Variants in CDH4 observed in about 807,000 individuals in gnomAD.
CDH4 encodes cadherin-4.
In CDH4, 33 loss-of-function variants were observed where a neutral mutation model predicts 86.0. The observed-to-expected ratio is 0.38, with a 90% CI of 0.29 to 0.51. CDH4 has a LOEUF of 0.51. Among genes scored for constraint, CDH4 ranks in the 20% least tolerant of loss-of-function variants. CDH4 has a pLI of 0.86. For synonymous variants in CDH4, 555 were observed against 549.4 expected (o/e 1.01, Z -0.14); for missense variants, 1,114 against 1,307.4 (o/e 0.85, Z 2.28).
intron 12 of CDH4, among the ~76,000 whole-genome samples, 192 bp downstream of exon 12, chr20:61,928,615 C>T (rs1484467138): frequency 1.3e-5 from 2 of 152,244 alleles, no homozygotes; most frequent in Admixed American, 6.5e-5. Flanking sequence ...GAGGAGGCCA[C>T]CAAGTCATTC....
chr20:61,645,222 A>G (rs1426811322), intron 2 of CDH4, among the ~76,000 whole-genome samples: 1 of 152,204 alleles, frequency 6.6e-6, no homozygotes, highest in African/African-American at 2.4e-5. Context: ...GCCTTTTGGA[A>G]CAGTGGATAA....
chr20:61,704,528 A>G (rs949855591), intron 2 of CDH4, among the ~76,000 whole-genome samples: 1 of 152,108 alleles, frequency 6.6e-6, no homozygotes, highest in Non-Finnish European at 1.5e-5. Flanking sequence ...TGAAGCCCCC[A>G]GAGCCAGGTT....
intron 2 of CDH4, among the ~76,000 whole-genome samples, chr20:61,646,499 G>A (rs1254855070): frequency 1.3e-5 from 2 of 152,214 alleles, no homozygotes; most frequent in Admixed American, 6.5e-5. Flanking sequence ...TCTTCTACCT[G>A]TGTGACCCTG....
intron 2 of CDH4, among the ~76,000 whole-genome samples, chr20:61,293,569 C>T (rs959794340): frequency 6.6e-6 from 1 of 152,194 alleles, no homozygotes; most frequent in Non-Finnish European, 1.5e-5. Context: ...CCTGAAATAG[C>T]CTTGCATGTG....
rs139775672 is a variant in CDH4 at position 61,518,732 on chromosome 20, A to T, written c.170-224831A>T. 1.3e-5 allele frequency among the ~76,000 whole-genome samples: 2 copies of T among 150,836 alleles called. No homozygotes were observed. Among genetic ancestry groups the T allele is most frequent in the Non-Finnish European group, 3.0e-5 (2 of 67,784 alleles). ...CAATCATCCATCCGTTCATCCACCC[A>T]TCATCCATTCATCCATCCATTCGTA... On this transcript the variant is annotated intron_variant, in intron 2 of 15. Transcript: ENST00000614565. The surrounding 1 kb of genome is among the most constrained non-coding windows in gnomAD (Gnocchi z 6.3).
At chr20:61,650,025 A>G (rs2087105210) in intron 2 of CDH4, among the ~76,000 whole-genome samples, 1 of 151,660 alleles carries the variant, frequency 6.6e-6, no homozygotes, top group Non-Finnish European at 1.5e-5. Flanking sequence ...CAGCAGCTCC[A>G]CTCTCCTGGG....
intron 3 of CDH4, among the ~76,000 whole-genome samples, chr20:61,753,528 A>G (rs2088523491): frequency 6.6e-6 from 1 of 152,208 alleles, no homozygotes; most frequent in South Asian, 2.1e-4. Context: ...GGAAATGCAA[A>G]TGAGGTCACA....
At chr20:61,858,483 CTG>C (rs1179247072) in intron 6 of CDH4, among the ~76,000 whole-genome samples, 2 of 149,962 alleles carry the variant, frequency 1.3e-5, no homozygotes, top group East Asian at 2.0e-4. Context: ...GTCTGTGTCT[CTG>C]TGTCTGTATG....
intron 4 of CDH4, among the ~76,000 whole-genome samples, chr20:61,823,735 G>A (rs1379346682): frequency 6.6e-6 from 1 of 152,162 alleles, no homozygotes; most frequent in Non-Finnish European, 1.5e-5. Flanking sequence ...TAAATCTCTT[G>A]GTGTCCACTG....
intron 2 of CDH4, among the ~76,000 whole-genome samples, chr20:61,556,544 A>G (rs577670702): frequency 1.3e-5 from 2 of 152,352 alleles, no homozygotes; most frequent in South Asian, 2.1e-4. Context: ...CTGTGCCACA[A>G]TTGAGAACAA....
Position 61,566,252 on chromosome 20 carries a change from G to A in CDH4, c.170-177311G>A, listed in dbSNP as rs547572120. Among the ~76,000 whole-genome samples the A allele has an allele frequency of 1.1e-4, 16 of 152,316 alleles. No homozygotes were observed. In the East Asian group the frequency reaches 1.7e-3, roughly 17 times the overall value. On this transcript the variant is annotated intron_variant, in intron 2 of 15. Coordinates refer to ENST00000614565, the MANE Select transcript of CDH4 (RefSeq NM_001794.5). ...TTCCCACCATGTCTGACCATGAGCC[G>A]CCTTTTTAAGGAAAGCAGATTGGAC...
chr20:61,296,189 CGT>C lies in CDH4; in HGVS notation c.169+41264_169+41265del, dbSNP rs941398632. On this transcript the variant is annotated intron_variant, in intron 2 of 15. Coordinates refer to ENST00000614565, the MANE Select transcript of CDH4 (RefSeq NM_001794.5). Reference sequence around the variant, plus strand: ...TTGTCGAAATAAGTATGAGTGTGTGCGTGTGTGTGTGTGAGAGAGAGACCTTA... The same window carrying C: ...TTGTCGAAATAAGTATGAGTGTGTGCGTGTGTGTGTGAGAGAGAGACCTTA... Among the ~76,000 whole-genome samples, 5 of 143,070 alleles carry C rather than the reference CGT, an allele frequency of 3.5e-5. No individual in the cohort carries two copies. The East Asian group carries it at 7.7e-4, about 22-fold the overall frequency. 93.9% of individuals were successfully genotyped at this position (143,070 alleles called of 152,430 possible). A position where few individuals can be genotyped will look rare whatever the true frequency, so the allele number is the denominator to read the frequency against.
At chr20:61,586,042 TGAG>T (rs200251547) in intron 2 of CDH4, among the ~76,000 whole-genome samples, 3,699 of 148,086 alleles carry the variant, frequency 0.025, 66 homozygotes, top group Middle Eastern at 0.07. Context: ...GATGTGGTGA[TGAG>T]GAGGATGATG....
At chr20:61,877,531 G>A (rs1017555420) in intron 7 of CDH4, among the ~76,000 whole-genome samples, 2 of 152,214 alleles carry the variant, frequency 1.3e-5, no homozygotes, top group African/African-American at 4.8e-5. Context: ...TCTCCGCTGT[G>A]TGTGCCTGGG....
intron 7 of CDH4, among the ~76,000 whole-genome samples, chr20:61,887,523 G>A (rs915049473): frequency 2.0e-5 from 3 of 147,352 alleles, no homozygotes; most frequent in South Asian, 2.1e-4. Flanking sequence ...ATACACACAT[G>A]CACACACACA....
At chr20:61,498,952 A>G (rs751861433) in intron 2 of CDH4, among the ~76,000 whole-genome samples, 2 of 152,158 alleles carry the variant, frequency 1.3e-5, no homozygotes, top group Admixed American at 1.3e-4. Flanking sequence ...TCTCCTCGGA[A>G]TGAGTCTCCT....
At chr20:61,443,543 C>A (rs900977488) in intron 2 of CDH4, among the ~76,000 whole-genome samples, 3 of 152,222 alleles carry the variant, frequency 2.0e-5, no homozygotes, top group Non-Finnish European at 4.4e-5. Flanking sequence ...TTCTCCTGAT[C>A]ACACAGCTGT....
intron 2 of CDH4, among the ~76,000 whole-genome samples, chr20:61,732,396 G>A (rs759119798): frequency 1.3e-4 from 20 of 152,068 alleles, no homozygotes; most frequent in African/African-American, 3.1e-4. Flanking sequence ...TCCAGAAATC[G>A]TACTGGGGCT....
chr20:61,886,887 C>A (rs1041788359), intron 7 of CDH4, among the ~76,000 whole-genome samples: 1 of 152,208 alleles, frequency 6.6e-6, no homozygotes, highest in South Asian at 2.1e-4. Flanking sequence ...GGGCCCTGCC[C>A]TGTGGTTAAC....
Sources: allele counts gnomAD v4.1 joint callset (sites outside exome capture counted in the v4.1 genomes callset), GRCh38; gene constraint gnomAD v4.1.1; non-coding constraint Gnocchi (gnomAD v3.1); transcripts MANE v1.5; gene names NCBI Gene and HGNC (gene_info 2026-07-23, HGNC 2026-07-21).